Variants in LYRM4 observed in about 807,000 individuals in gnomAD.
LYRM4 encodes LYR motif containing 4, also known as LYR motif-containing protein 4.
A neutral mutation model predicts 11.7 loss-of-function variants in LYRM4; 9 were observed. The ratio of observed to expected loss-of-function variants is 0.77; its 90% CI spans 0.46 to 1.34. The LOEUF (loss-of-function observed/expected upper bound fraction) is 1.34. Among genes scored for constraint, LYRM4 ranks in the 40% most tolerant of loss-of-function variants. The pLI, the probability that LYRM4 is intolerant of heterozygous loss-of-function variation, is 0.00. For missense variants in LYRM4, 133 were observed against 112.5 expected, an observed-to-expected ratio of 1.18 and a Z score of -0.82; for synonymous variants, 42 against 40.4, an observed-to-expected ratio of 1.04 and a Z score of -0.15.
At chr6:5,037,009 A>ATTTTTTTTTTTTTTTTTTTT in the LYRM4 span, among the ~76,000 whole-genome samples, 2 of 28,722 alleles carry the variant, frequency 7.0e-5, no homozygotes, top group Non-Finnish European at 1.3e-4. Flanking sequence ...TTTAGCTTGT[A>ATTTTTTTTTTTTTTTTTTTT]TTTTTTTTTT....
chr6:5,078,223 C>T, the LYRM4 span, among the ~76,000 whole-genome samples: 1 of 151,680 alleles, frequency 6.6e-6, no homozygotes, highest in South Asian at 2.1e-4. Flanking sequence ...TGGGATGGCC[C>T]CTTTCAGCTG....
intron 1 of LYRM4, among the ~76,000 whole-genome samples, chr6:5,257,720 C>A (rs1300401013): frequency 6.6e-6 from 1 of 152,164 alleles, no homozygotes; most frequent in Non-Finnish European, 1.5e-5. Context: ...TTATGAGAAT[C>A]TAATGCCTGA....
chr6:5,231,980 T>A (rs1763268587), intron 1 of LYRM4, among the ~76,000 whole-genome samples: 1 of 152,230 alleles, frequency 6.6e-6, no homozygotes, highest in Non-Finnish European at 1.5e-5. Context: ...ACTTTGAGAC[T>A]GAATAAAATT....
chr6:5,074,934 G>A, the LYRM4 span, among the ~76,000 whole-genome samples: 6 of 152,240 alleles, frequency 3.9e-5, 1 homozygote, highest in Admixed American at 1.3e-4. Context: ...GATTATGGGG[G>A]TGGATTTCTC....
chr6:5,237,960 T>A (rs907920630), intron 1 of LYRM4, among the ~76,000 whole-genome samples: 1 of 152,160 alleles, frequency 6.6e-6, no homozygotes, highest in Non-Finnish European at 1.5e-5. Context: ...TCACAGACAC[T>A]CTGACTCACA....
Position 5,144,160 on chromosome 6 carries a change from C to T in LYRM4, c.208-34669G>A, listed in dbSNP as rs1339469516. On this transcript the variant is annotated intron_variant, in intron 2 of 2. Transcript: ENST00000330636. The stretch of plus-strand genomic sequence containing the variant: ...CACCAGCTCTGTGAGGAAGAGCAAA[C>T]GTCTGTCAGGTGGTTTCCTCAAGGC... The T allele has an allele frequency of 7.2e-6, 11 of 1,536,714 alleles. No individual in the cohort carries two copies. In the South Asian group the frequency reaches 8.3e-5, roughly 12 times the overall value.
intron 2 of LYRM4, among the ~76,000 whole-genome samples, chr6:5,194,039 C>T (rs1371781868): frequency 1.5e-5 from 2 of 132,466 alleles, no homozygotes; most frequent in Admixed American, 1.9e-4. Flanking sequence ...AGGCAGGGTT[C>T]TCCAGAGAAA....
the LYRM4 span, chr6:5,088,069 T>C: frequency 6.6e-6 from 1 of 152,082 alleles, no homozygotes; most frequent in South Asian, 2.1e-4. Context: ...AAGAATAGTT[T>C]TTACATTTTT....
At chr6:5,118,114 TG>T (rs1374974685) in intron 2 of LYRM4, among the ~76,000 whole-genome samples, 3 of 90,814 alleles carry the variant, frequency 3.3e-5, no homozygotes, top group African/African-American at 1.1e-4. Flanking sequence ...TGTTTTGTTT[TG>T]TTTTTTTTTT....
chr6:5,229,470 G>T (rs551399131), intron 1 of LYRM4, among the ~76,000 whole-genome samples: 1 of 151,954 alleles, frequency 6.6e-6, no homozygotes, highest in Non-Finnish European at 1.5e-5. Flanking sequence ...GCAACATAAG[G>T]GCAAAGAGGG....
the LYRM4 span, among the ~76,000 whole-genome samples, chr6:5,064,236 A>T: frequency 6.6e-6 from 1 of 152,098 alleles, no homozygotes; most frequent in African/African-American, 2.4e-5. Flanking sequence ...GTGACAAATG[A>T]ATCAGCCTTC....
At chr6:5,250,709 T>A (rs574763724) in intron 1 of LYRM4, among the ~76,000 whole-genome samples, 1 of 142,106 alleles carries the variant, frequency 7.0e-6, no homozygotes, top group African/African-American at 2.8e-5. Flanking sequence ...TCCAGTAATA[T>A]AAATTCAGAA....
At chr6:5,131,510 G>T (rs1210261255) in intron 2 of LYRM4, among the ~76,000 whole-genome samples, 1 of 152,078 alleles carries the variant, frequency 6.6e-6, no homozygotes, top group Admixed American at 6.6e-5. Flanking sequence ...GACCAACTTG[G>T]CCAACATAGC....
chr6:5,148,965 T>C (rs945056655), intron 2 of LYRM4, among the ~76,000 whole-genome samples: 2 of 152,232 alleles, frequency 1.3e-5, no homozygotes, highest in African/African-American at 4.8e-5. Context: ...ATTTCATTTT[T>C]GACATGATGC....
chr6:5,232,353 A>G (rs1412920189), intron 1 of LYRM4, among the ~76,000 whole-genome samples: 1 of 152,208 alleles, frequency 6.6e-6, no homozygotes, highest in African/African-American at 2.4e-5. Flanking sequence ...ATTCTCTAGA[A>G]ATAAAGATGC....
chr6:5,209,460 T>C (rs1761877908), intron 2 of LYRM4, among the ~76,000 whole-genome samples: 1 of 152,200 alleles, frequency 6.6e-6, no homozygotes, highest in Admixed American at 6.5e-5. Flanking sequence ...TTTAAATATG[T>C]AGATTGATCC....
At chr6:5,126,378 A>G (rs1390426232) in intron 2 of LYRM4, among the ~76,000 whole-genome samples, 1 of 152,226 alleles carries the variant, frequency 6.6e-6, no homozygotes, top group Admixed American at 6.5e-5. Flanking sequence ...TGTAGTTGCT[A>G]GAAATGCTCA....
At chr6:5,110,232 C>G (rs985148328) in intron 2 of LYRM4, among the ~76,000 whole-genome samples, 1 of 150,500 alleles carries the variant, frequency 6.6e-6, no homozygotes, top group Non-Finnish European at 1.5e-5. Flanking sequence ...TGATCATTAG[C>G]AACTCTATCT....
chr6:5,096,214 G>A, the LYRM4 span, among the ~76,000 whole-genome samples: 48 of 152,292 alleles, frequency 3.2e-4, 1 homozygote, highest in African/African-American at 1.2e-3. Flanking sequence ...CACTAGGTGG[G>A]TGCAGTAGCT....
Sources: allele counts gnomAD v4.1 joint callset (sites outside exome capture counted in the v4.1 genomes callset), GRCh38; gene constraint gnomAD v4.1.1; transcripts MANE v1.5; gene names NCBI Gene and HGNC (gene_info 2026-07-23, HGNC 2026-07-21).